Variants in PLCB1 observed in about 807,000 individuals in gnomAD.
The protein encoded by PLCB1 is phospholipase C beta 1.
Under a neutral mutation model 161.8 loss-of-function variants are expected in PLCB1, and 46 were observed. That is an observed-to-expected ratio of 0.28 (90% confidence interval 0.22 to 0.36). The LOEUF is 0.36. Among genes scored for constraint, PLCB1 ranks in the 10% least tolerant of loss-of-function variants. The probability of loss-of-function intolerance (pLI) is 1.00; values close to 1 mark genes in which losing one functional copy is unlikely to be tolerated. For missense variants in PLCB1, 1,016 were observed against 1,472.5 expected, an observed-to-expected ratio of 0.69 and a Z score of 5.07; for synonymous variants, 517 against 503.7, an observed-to-expected ratio of 1.03 and a Z score of -0.35.
rs375522169 is a variant in PLCB1, at chr20:8,247,458, T to C, written c.177+97087T>C. Among the ~76,000 whole-genome samples the C allele has an allele frequency of 2.0e-4, 30 of 152,092 alleles. 1 individual carries two copies. In the South Asian group the frequency reaches 6.0e-3, roughly 30 times the overall value. On this transcript the variant is annotated intron_variant, in intron 2 of 31. Transcript: ENST00000338037. ...TTTAAATGGTTAAATGAAGGAGCTT[T>C]AGAAAACCATCTTAAATTAGGAGCT... is the stretch of plus-strand genomic sequence containing the variant.
intron 31 of PLCB1, among the ~76,000 whole-genome samples, chr20:8,856,793 G>T (rs1007726911): frequency 7.2e-5 from 11 of 152,186 alleles, no homozygotes; most frequent in African/African-American, 2.7e-4. Context: ...CTGGTTAAAT[G>T]GGTGTGTTCA....
At chr20:8,324,685 T>G (rs1334873946) in intron 2 of PLCB1, among the ~76,000 whole-genome samples, 2 of 152,060 alleles carry the variant, frequency 1.3e-5, no homozygotes, top group Non-Finnish European at 2.9e-5. Context: ...TGTTCTCTCA[T>G]TTTTTTTAAA....
At chr20:8,823,701 T>C (rs531473999) in intron 31 of PLCB1, among the ~76,000 whole-genome samples, 1 of 152,314 alleles carries the variant, frequency 6.6e-6, no homozygotes, top group South Asian at 2.1e-4. Flanking sequence ...TCTTTGTTTC[T>C]ATGGAATGCT....
At chr20:8,454,177 TG>T (rs1320393829) in intron 3 of PLCB1, among the ~76,000 whole-genome samples, 1 of 152,180 alleles carries the variant, frequency 6.6e-6, no homozygotes, top group Non-Finnish European at 1.5e-5. Context: ...TGTTTTGTTA[TG>T]GCAGCCCGAG....
At chr20:8,546,268 C>T (rs1374183331) in intron 3 of PLCB1, among the ~76,000 whole-genome samples, 1 of 144,150 alleles carries the variant, frequency 6.9e-6, no homozygotes, top group Admixed American at 7.1e-5. Flanking sequence ...GAGCTGAGAT[C>T]GCGCCACTGA....
At chr20:8,493,658 A>G (rs1233035673) in intron 3 of PLCB1, among the ~76,000 whole-genome samples, 1 of 147,780 alleles carries the variant, frequency 6.8e-6, no homozygotes, top group Non-Finnish European at 1.5e-5. Context: ...AACCTCAGGT[A>G]GTAGCCCTTA....
At chr20:8,221,644 C>T (rs1291199790) in intron 2 of PLCB1, among the ~76,000 whole-genome samples, 1 of 152,136 alleles carries the variant, frequency 6.6e-6, no homozygotes, top group Non-Finnish European at 1.5e-5. Context: ...TGAGCTCAGG[C>T]TGGGCTCTTC....
intron 3 of PLCB1, among the ~76,000 whole-genome samples, chr20:8,595,130 A>G (rs1987290244): frequency 6.6e-6 from 1 of 151,942 alleles, no homozygotes; most frequent in African/African-American, 2.4e-5. Context: ...TTTAAGTTTT[A>G]GGGTACATGT....
intron 3 of PLCB1, among the ~76,000 whole-genome samples, chr20:8,492,314 G>C (rs1982980813): frequency 6.6e-6 from 1 of 151,820 alleles, no homozygotes; most frequent in Non-Finnish European, 1.5e-5. Context: ...ATTTGACTCT[G>C]TGTGTGAGTC....
intron 23 of PLCB1, among the ~76,000 whole-genome samples, chr20:8,754,937 C>G (rs1981666881): frequency 1.3e-5 from 2 of 152,162 alleles, no homozygotes; most frequent in Admixed American, 1.3e-4. Flanking sequence ...GCATATAATT[C>G]TAGGGAGAAT....
chr20:8,474,714 G>C (rs146970437), intron 3 of PLCB1, among the ~76,000 whole-genome samples: 3 of 152,296 alleles, frequency 2.0e-5, no homozygotes, highest in Admixed American at 2.0e-4. Flanking sequence ...TGGGGACTAA[G>C]ATGTGACATT....
At chr20:8,640,980 C>A (rs1988937469) in intron 4 of PLCB1, among the ~76,000 whole-genome samples, 1 of 152,192 alleles carries the variant, frequency 6.6e-6, no homozygotes, top group Non-Finnish European at 1.5e-5. Flanking sequence ...CTAGAACTGG[C>A]AGCCTGAACT....
intron 2 of PLCB1, among the ~76,000 whole-genome samples, chr20:8,320,163 A>G (rs1226597189): frequency 1.3e-5 from 2 of 152,130 alleles, no homozygotes; most frequent in African/African-American, 2.4e-5. Flanking sequence ...ATGAGTAAAT[A>G]TGCTTCTCTA....
At chr20:8,441,106 C>T (rs1046336355) in intron 3 of PLCB1, among the ~76,000 whole-genome samples, 4 of 152,202 alleles carry the variant, frequency 2.6e-5, no homozygotes, top group Non-Finnish European at 2.9e-5. Context: ...CCCACAAATA[C>T]GTGGCCACAT....
chr20:8,527,835 T>G (rs1273968984), intron 3 of PLCB1, among the ~76,000 whole-genome samples: 1 of 152,038 alleles, frequency 6.6e-6, no homozygotes, highest in Non-Finnish European at 1.5e-5. Context: ...AAAAATAAAC[T>G]AGCACAGACC....
chr20:8,397,564 A>C (rs973963901), intron 3 of PLCB1, among the ~76,000 whole-genome samples: 17 of 152,228 alleles, frequency 1.1e-4, no homozygotes, highest in Admixed American at 3.3e-4. Context: ...TGTTTACAAA[A>C]ATAAGGAAAC....
intron 3 of PLCB1, among the ~76,000 whole-genome samples, chr20:8,477,502 G>A (rs547961399): frequency 6.6e-6 from 1 of 152,140 alleles, no homozygotes; most frequent in African/African-American, 2.4e-5. Flanking sequence ...GTGTGTATTA[G>A]CCCATTTTTG....
At chr20:8,653,854 C>A (rs1438514618) in intron 7 of PLCB1, among the ~76,000 whole-genome samples, 1 of 152,012 alleles carries the variant, frequency 6.6e-6, no homozygotes, top group Non-Finnish European at 1.5e-5. Flanking sequence ...CCCATTTGCT[C>A]AACCCAGGAC....
chr20:8,148,703 A>C (rs2051479488), intron 1 of PLCB1, among the ~76,000 whole-genome samples: 1 of 152,256 alleles, frequency 6.6e-6, no homozygotes, highest in African/African-American at 2.4e-5. Flanking sequence ...CATAAATGGA[A>C]CATTATTCAG....
Sources: gnomAD v4.1 joint callset for allele counts (sites outside exome capture counted in the v4.1 genomes callset) on GRCh38, gnomAD v4.1.1 for gene constraint, MANE v1.5 for transcripts, NCBI Gene and HGNC (gene_info 2026-07-23, HGNC 2026-07-21) for gene names.